PZP: variants seen among roughly 807,000 people sequenced by gnomAD.
PZP encodes the protein PZP alpha-2-macroglobulin like.
Under a neutral mutation model 179.8 loss-of-function variants are expected in PZP, and 150 were observed. The observed-to-expected ratio is 0.83, with a 90% CI of 0.73 to 0.96. The LOEUF (loss-of-function observed/expected upper bound fraction) is 0.96, where lower values mean the gene tolerates loss of function less well. PZP is among the 40% of genes least tolerant of loss of function. PZP has a pLI of 0.00. For synonymous variants in PZP, 624 were observed against 652.3 expected, an observed-to-expected ratio of 0.96 and a Z score of 0.66; for missense variants, 1,689 against 1,764.0, an observed-to-expected ratio of 0.96 and a Z score of 0.76.
rs138051638 is a variant in PZP, at chr12:9,152,591, A to C, written c.4121+233T>G. ...GCTAATTGGCATTTTTAACATATCT[A>C]TGGTTTTTGCACACCTCACTATACA... On this transcript the variant is annotated intron_variant, in intron 31 of 35. Coordinates refer to ENST00000261336, the MANE Select transcript of PZP (RefSeq NM_002864.3). Among the ~76,000 whole-genome samples, 183 of 152,300 alleles carry C rather than the reference A, an allele frequency of 1.2e-3. 4 individuals carry two copies. The highest frequency in any genetic ancestry group is 6.8e-3 in the Middle Eastern group (2 of 294).
rs375731820 is a variant in PZP, at chr12:9,157,726, A to G, written c.3369+41T>C. ...GGGTGGCATTCCAGACAGCAAATCT[A>G]CAGTTTTCATGGTAGGGAATGGGAT... On this transcript the variant is annotated intron_variant, in intron 27 of 35. Transcript: ENST00000261336. 6 of 1,565,528 alleles carry G rather than the reference A, an allele frequency of 3.8e-6. No homozygotes were observed. In the African/African-American group the frequency reaches 5.4e-5, roughly 14 times the overall value.
intron 15 of PZP, 159 bp from the exon 16 acceptor site, chr12:9,169,750 G>C (rs766145628): frequency 4.7e-5 from 28 of 597,402 alleles, no homozygotes; most frequent in Admixed American, 1.2e-4. Flanking sequence ...ATATTTAACA[G>C]TGTTGTTTTG....
rs1356945517 is a variant in PZP at position 9,193,772 on chromosome 12, A to G, written c.1254+305T>C. Among the ~76,000 whole-genome samples, 3 of 152,184 alleles carry G rather than the reference A, an allele frequency of 2.0e-5. No homozygotes were observed. The East Asian group carries it at 5.8e-4, about 29-fold the overall frequency. On this transcript the variant is annotated intron_variant, in intron 11 of 35. Transcript: ENST00000261336. ...ATTTCTAAGTGACCTGGAAAAAATA[A>G]CATAAAACAAAGTACATGAATTACT...
chr12:9,189,088 A>G (rs1351829942), intron 13 of PZP, among the ~76,000 whole-genome samples: 1 of 152,226 alleles, frequency 6.6e-6, no homozygotes, highest in Non-Finnish European at 1.5e-5. Flanking sequence ...CAATTTATAG[A>G]TTTAATGTTT....
chr12:9,165,012 A>T, intron 19 of PZP, 127 bp downstream of exon 19: 1 of 1,134,856 alleles, frequency 8.8e-7, no homozygotes, highest in Non-Finnish European at 1.3e-6. Flanking sequence ...GCATAGCACT[A>T]ATTATTCACA....
intron 15 of PZP, among the ~76,000 whole-genome samples, chr12:9,179,945 T>C (rs1026208365): frequency 6.6e-6 from 1 of 152,226 alleles, no homozygotes; most frequent in Non-Finnish European, 1.5e-5. Flanking sequence ...GTGCCACTTA[T>C]CTTGAACAAA....
rs766386502 is a variant in PZP, at chr12:9,200,365, C to T, written c.754G>A (p.Glu252Lys). 2.5e-6 allele frequency: 4 copies of T among 1,593,430 alleles called. No individual in the cohort carries two copies. In the East Asian group the frequency reaches 6.7e-5, roughly 27 times the overall value. The change falls in exon 7 of 36, where the codon GAA (glutamate) becomes AAA (lysine). Residue 252 changes from glutamate to lysine, a missense_variant and splice_region_variant. Coordinates refer to ENST00000261336, the MANE Select transcript of PZP (RefSeq NM_002864.3). ...DEKVNITVCG[E>K]YTYGKPVPGL... The stretch of plus-strand genomic sequence containing the variant: ...TTAGATAAAAACAATGTAACTCACT[C>T]TCCACAGACTGTTATGTTCACTTTT...
Position 9,180,979 on chromosome 12 carries a change from T to G in PZP, c.1839+4A>C. 6.2e-7 allele frequency: 1 copy of G among 1,611,454 alleles called. No individual in the cohort carries two copies. Among genetic ancestry groups the G allele is most frequent in the Non-Finnish European group, 8.5e-7 (1 of 1,179,140 alleles). ...CCTGGTCCCCAAGGCCACTGGAAAC[T>G]CACTGAGGACACAGAGAGCTCAGCC... is the stretch of plus-strand genomic sequence containing the variant. On this transcript the variant is annotated splice_donor_region_variant and intron_variant, in intron 15 of 35. Transcript: ENST00000261336.
chr12:9,166,317 T>G, intron 17 of PZP, 115 bp from the exon 18 acceptor site: 1 of 971,854 alleles, frequency 1.0e-6, no homozygotes. Flanking sequence ...GTCCTAAAAG[T>G]CTTGTAGAAG....
At chr12:9,201,173 A>G in intron 5 of PZP, 113 bp from the exon 6 acceptor site, 6 of 1,419,832 alleles carry the variant, frequency 4.2e-6, no homozygotes, top group Non-Finnish European at 5.8e-6. Context: ...ACAAATACAG[A>G]AGGAAGAGAA....
the PZP span, among the ~76,000 whole-genome samples, chr12:9,142,731 A>G: frequency 6.6e-6 from 1 of 152,182 alleles, no homozygotes; most frequent in Non-Finnish European, 1.5e-5. Flanking sequence ...GAGGCCCTTT[A>G]AGAACAGGGC....
At chr12:9,175,917 A>G (rs1942333919) in intron 15 of PZP, among the ~76,000 whole-genome samples, 1 of 152,238 alleles carries the variant, frequency 6.6e-6, no homozygotes, top group African/African-American at 2.4e-5. Flanking sequence ...TCAAAGACCC[A>G]GAGGCAAAAA....
intron 1 of PZP, among the ~76,000 whole-genome samples, chr12:9,206,246 G>A (rs1463084422): frequency 2.0e-5 from 3 of 150,910 alleles, no homozygotes; most frequent in Non-Finnish European, 4.4e-5. Context: ...TAATAAGAAG[G>A]TATATATATA....
Position 9,152,212 on chromosome 12 carries a change from A to G in PZP, c.4212+8T>C. ...GTATGAAGTCTATTAGGATTAAAAT[A>G]CACCTACCATTTTTACTGTTGGTTT... On this transcript the variant is annotated splice_region_variant and intron_variant, in intron 32 of 35. Coordinates refer to ENST00000261336, the MANE Select transcript of PZP (RefSeq NM_002864.3). 1 of 1,570,272 alleles carries G rather than the reference A, an allele frequency of 6.4e-7. No individual in the cohort carries two copies. Among genetic ancestry groups the G allele is most frequent in the Non-Finnish European group, 8.8e-7 (1 of 1,140,198 alleles).
intron 15 of PZP, among the ~76,000 whole-genome samples, chr12:9,179,959 C>T (rs1419688859): frequency 6.6e-6 from 1 of 152,194 alleles, no homozygotes; most frequent in Non-Finnish European, 1.5e-5. Context: ...GAACAAATCT[C>T]TCAACTATTC....
Position 9,181,040 on chromosome 12 carries a change from A to C in PZP, c.1782T>G (p.Arg594=). 6.2e-7 allele frequency: 1 copy of C among 1,614,202 alleles called. No homozygotes were observed. The highest frequency in any genetic ancestry group is 8.5e-7 in the Non-Finnish European group (1 of 1,180,022). ...AAAPQSLCAL[R]AVDQSVLLMK... is the part of the protein sequence containing the mutation. ...TGAGCAGCACACTTTGGTCCACAGC[A>C]CGAAGGGCACAGAGGGACTGCGGAG... is the stretch of plus-strand genomic sequence containing the variant. The change falls in exon 15 of 36, where the codon CGT becomes CGG. Residue 594 remains arginine, a synonymous_variant. Transcript: ENST00000261336.
chr12:9,168,636 T>C (rs1941757501), intron 17 of PZP: 2 of 427,246 alleles, frequency 4.7e-6, no homozygotes, highest in Admixed American at 4.1e-5. Context: ...TACATCAGAA[T>C]CTTGTATTTT....
the PZP span, among the ~76,000 whole-genome samples, chr12:9,143,137 A>C: frequency 6.6e-6 from 1 of 152,220 alleles, no homozygotes; most frequent in Non-Finnish European, 1.5e-5. Context: ...TATGTAAATA[A>C]TATACCAAGT....
At chr12:9,207,080 CAGG>C (rs2121265744) in intron 1 of PZP, among the ~76,000 whole-genome samples, 1 of 152,288 alleles carries the variant, frequency 6.6e-6, no homozygotes, top group East Asian at 1.9e-4. Flanking sequence ...CTGAGGAAAG[CAGG>C]AGACTTACTG....
Sources: gnomAD v4.1 joint callset for allele counts (sites outside exome capture counted in the v4.1 genomes callset) on GRCh38, gnomAD v4.1.1 for gene constraint, MANE v1.5 for transcripts, NCBI Gene and HGNC (gene_info 2026-07-23, HGNC 2026-07-21) for gene names.